CTNND2: variants seen among roughly 807,000 people sequenced by gnomAD.
CTNND2 encodes catenin delta-2.
In CTNND2, 22 loss-of-function variants were observed where a neutral mutation model predicts 144.4. The observed-to-expected ratio is 0.15, with a 90% CI of 0.11 to 0.22. The LOEUF (loss-of-function observed/expected upper bound fraction) is 0.22, where lower values mean the gene tolerates loss of function less well. CTNND2 is among the 10% of genes least tolerant of loss of function. The probability of loss-of-function intolerance (pLI) is 1.00; values close to 1 mark genes in which losing one functional copy is unlikely to be tolerated. For missense variants in CTNND2, 1,353 were observed against 1,618.8 expected, an observed-to-expected ratio of 0.84 and a Z score of 2.82; for synonymous variants, 751 against 695.6, an observed-to-expected ratio of 1.08 and a Z score of -1.25.
chr5:11,351,074 G>C (rs1436191320), intron 8 of CTNND2, among the ~76,000 whole-genome samples: 2 of 152,066 alleles, frequency 1.3e-5, no homozygotes, highest in African/African-American at 4.8e-5. Flanking sequence ...TGCAATCCTT[G>C]GCTCTCCATT....
chr5:11,087,375 G>A (rs1750279456), intron 15 of CTNND2, among the ~76,000 whole-genome samples: 1 of 152,150 alleles, frequency 6.6e-6, no homozygotes, highest in South Asian at 2.1e-4. Flanking sequence ...AAACGGCATG[G>A]CTTTTGCTGT....
At chr5:11,000,070 C>G (rs144793592) in intron 18 of CTNND2, among the ~76,000 whole-genome samples, 33 of 152,284 alleles carry the variant, frequency 2.2e-4, no homozygotes, top group African/African-American at 7.2e-4. Context: ...ATAACACTCT[C>G]CATTTTATAT....
rs562268539 is a variant in CTNND2 at position 11,374,661 on chromosome 5, C to G, written c.1178-9771G>C. ...TTCTCAACAGCTGTGTCTCAATACC[C>G]CATCAGTGCAATATTCCAACAGTGC... is the stretch of plus-strand genomic sequence containing the variant. On this transcript the variant is annotated intron_variant, in intron 7 of 21. Transcript: ENST00000304623. 1.2e-4 allele frequency among the ~76,000 whole-genome samples: 18 copies of G among 152,226 alleles called. 1 individual carries two copies. Among genetic ancestry groups the G allele is most frequent in the Middle Eastern group, 6.8e-3 (2 of 294 alleles).
At chr5:11,521,002 C>T (rs1055436288) in intron 3 of CTNND2, among the ~76,000 whole-genome samples, 5 of 152,000 alleles carry the variant, frequency 3.3e-5, no homozygotes, top group South Asian at 2.1e-4. Context: ...TTACGTGATA[C>T]GATTTTCATT....
chr5:11,159,096 T>C (rs1758513747), intron 12 of CTNND2, among the ~76,000 whole-genome samples: 1 of 152,204 alleles, frequency 6.6e-6, no homozygotes, highest in African/African-American at 2.4e-5. Flanking sequence ...TAAAGAGCTA[T>C]TTCTAAGAAT....
At chr5:11,325,745 T>A (rs541182538) in intron 9 of CTNND2, among the ~76,000 whole-genome samples, 1 of 152,134 alleles carries the variant, frequency 6.6e-6, no homozygotes, top group South Asian at 2.1e-4. Context: ...AAGGGCTAAA[T>A]AGAAACCAGT....
chr5:11,084,067 C>G (rs1749882014), intron 15 of CTNND2: 1 of 551,874 alleles, frequency 1.8e-6, no homozygotes, highest in Non-Finnish European at 2.3e-6. Context: ...TGTCTCACCT[C>G]TACTTTGTAT....
At chr5:10,985,379 G>T (rs1737815017) in intron 20 of CTNND2, among the ~76,000 whole-genome samples, 2 of 152,180 alleles carry the variant, frequency 1.3e-5, no homozygotes, top group Non-Finnish European at 2.9e-5. Context: ...CAGTGGCAGA[G>T]AAACACTTAG....
intron 3 of CTNND2, among the ~76,000 whole-genome samples, chr5:11,514,935 G>C (rs558728765): frequency 6.6e-6 from 1 of 152,254 alleles, no homozygotes; most frequent in African/African-American, 2.4e-5. Flanking sequence ...GAGTAGCTGG[G>C]ATTACAGGTG....
chr5:11,723,735 A>G (rs1352261753), intron 2 of CTNND2, among the ~76,000 whole-genome samples: 1 of 152,138 alleles, frequency 6.6e-6, no homozygotes, highest in African/African-American at 2.4e-5. Flanking sequence ...TCCCCATCCA[A>G]TAAGCTTAGG....
chr5:11,593,148 G>T (rs1330329803), intron 2 of CTNND2, among the ~76,000 whole-genome samples: 1 of 152,150 alleles, frequency 6.6e-6, no homozygotes, highest in African/African-American at 2.4e-5. Context: ...TGACCTTGGA[G>T]TAGCCAAGGC....
chr5:11,527,248 A>C (rs1185866442), intron 3 of CTNND2, among the ~76,000 whole-genome samples: 1 of 152,240 alleles, frequency 6.6e-6, no homozygotes, highest in South Asian at 2.1e-4. Context: ...ACAATAAAAA[A>C]AAAGAAAAAA....
At chr5:11,827,680 AAC>A (rs1042923440) in intron 1 of CTNND2, among the ~76,000 whole-genome samples, 4 of 152,210 alleles carry the variant, frequency 2.6e-5, no homozygotes, top group African/African-American at 9.6e-5. Flanking sequence ...TATCTTTGAT[AAC>A]ACAGATAAAA....
In CTNND2 at chr5:11,022,993, TAAAGA is replaced by T; in HGVS notation, c.2789-19_2789-15del. ...TGGCGTATTTGCCTGGAAAAGAAAA[TAAAGA>T]GAAGAGTTGAAAGGAGGTCAAGGTG... On this transcript the variant is annotated splice_polypyrimidine_tract_variant and intron_variant, in intron 16 of 21. Coordinates refer to ENST00000304623, the MANE Select transcript of CTNND2 (RefSeq NM_001332.4). The T allele has an allele frequency of 6.2e-7, 1 of 1,613,024 alleles. No homozygotes were observed. The highest frequency in any genetic ancestry group is 8.5e-7 in the Non-Finnish European group (1 of 1,179,310).
intron 2 of CTNND2, among the ~76,000 whole-genome samples, chr5:11,657,213 A>G (rs1307087790): frequency 2.0e-5 from 3 of 152,248 alleles, no homozygotes; most frequent in African/African-American, 7.2e-5. Context: ...AGACAGTGGA[A>G]TATTTTTTGG....
intron 9 of CTNND2, among the ~76,000 whole-genome samples, chr5:11,310,034 T>C (rs1244060750): frequency 6.6e-6 from 1 of 152,176 alleles, no homozygotes; most frequent in African/African-American, 2.4e-5. Flanking sequence ...TTAAACCTCT[T>C]TGCTTTATAA....
chr5:11,615,810 C>A (rs1286231429), intron 2 of CTNND2, among the ~76,000 whole-genome samples: 1 of 152,104 alleles, frequency 6.6e-6, no homozygotes, highest in Non-Finnish European at 1.5e-5. Context: ...ATGTAGTGGA[C>A]CATCAGAAGT....
At chr5:11,318,262 T>C (rs1751700717) in intron 9 of CTNND2, among the ~76,000 whole-genome samples, 2 of 152,186 alleles carry the variant, frequency 1.3e-5, no homozygotes, top group Admixed American at 1.3e-4. Flanking sequence ...TCATCCCTTC[T>C]TCCTGTCCCT....
At chr5:11,113,480 T>TGC (rs1753217620) in intron 13 of CTNND2, among the ~76,000 whole-genome samples, 1 of 152,150 alleles carries the variant, frequency 6.6e-6, no homozygotes, top group Non-Finnish European at 1.5e-5. Flanking sequence ...CGGGAATATT[T>TGC]ATTCTCTGAC....
Sources: allele counts gnomAD v4.1 joint callset (sites outside exome capture counted in the v4.1 genomes callset), GRCh38; gene constraint gnomAD v4.1.1; transcripts MANE v1.5; gene names NCBI Gene and HGNC (gene_info 2026-07-23, HGNC 2026-07-21).